QTMAN: variants seen among roughly 807,000 people sequenced by gnomAD.
QTMAN encodes tRNA-queuosine alpha-mannosyltransferase.
the QTMAN span, among the ~76,000 whole-genome samples, chr2:144,203,768 G>T: frequency 6.6e-6 from 1 of 151,998 alleles, no homozygotes; most frequent in Non-Finnish European, 1.5e-5. Flanking sequence ...TTTTAATCAA[G>T]ACATATTTAG....
chr2:144,045,594 G>A, the QTMAN span, among the ~76,000 whole-genome samples: 1 of 152,166 alleles, frequency 6.6e-6, no homozygotes, highest in Non-Finnish European at 1.5e-5. Flanking sequence ...GGAGTTTGGG[G>A]GTTGGGGGAA....
the QTMAN span, among the ~76,000 whole-genome samples, chr2:144,271,888 G>A: frequency 6.6e-6 from 1 of 152,200 alleles, no homozygotes; most frequent in African/African-American, 2.4e-5. Context: ...TTAGTTGAAA[G>A]AGAAGTCTAA....
chr2:144,057,345 G>A, the QTMAN span, among the ~76,000 whole-genome samples: 1 of 152,194 alleles, frequency 6.6e-6, no homozygotes, highest in East Asian at 1.9e-4. Flanking sequence ...TATCCTTGAT[G>A]GTTTAAACTT....
At chr2:144,059,759 G>T in the QTMAN span, among the ~76,000 whole-genome samples, 2 of 152,002 alleles carry the variant, frequency 1.3e-5, no homozygotes, top group African/African-American at 4.8e-5. Flanking sequence ...TTCTTCCCTG[G>T]GCTTATTTCC....
chr2:144,003,292 G>GT, the QTMAN span, among the ~76,000 whole-genome samples: 210 of 151,028 alleles, frequency 1.4e-3, no homozygotes, highest in East Asian at 0.013. Context: ...GTCTAAACTT[G>GT]TTTTTTTTGG....
chr2:144,070,914 G>A, the QTMAN span, among the ~76,000 whole-genome samples: 1 of 152,130 alleles, frequency 6.6e-6, no homozygotes, highest in East Asian at 1.9e-4. Flanking sequence ...ACCGTACCAT[G>A]ACATGACACT....
chr2:144,092,909 G>A, the QTMAN span, among the ~76,000 whole-genome samples: 131 of 151,288 alleles, frequency 8.7e-4, 1 homozygote, highest in Non-Finnish European at 1.2e-3. Context: ...GTGTGTGTGT[G>A]TAGGAAACAC....
At chr2:144,101,849 T>C in the QTMAN span, among the ~76,000 whole-genome samples, 2 of 152,238 alleles carry the variant, frequency 1.3e-5, no homozygotes, top group Admixed American at 1.3e-4. Context: ...TCACTCATTA[T>C]TCTTTCAATC....
the QTMAN span, among the ~76,000 whole-genome samples, chr2:143,956,285 T>C: frequency 6.6e-6 from 1 of 152,256 alleles, no homozygotes; most frequent in Non-Finnish European, 1.5e-5. Flanking sequence ...TTTAAAGTAA[T>C]CCTTTGTGAA....
chr2:143,984,623 C>T, the QTMAN span, among the ~76,000 whole-genome samples: 1 of 152,190 alleles, frequency 6.6e-6, no homozygotes, highest in Non-Finnish European at 1.5e-5. Flanking sequence ...TGTTTTCCCA[C>T]CTGAATGTTG....
the QTMAN span, among the ~76,000 whole-genome samples, chr2:144,016,230 T>C: frequency 6.6e-6 from 1 of 152,196 alleles, no homozygotes; most frequent in African/African-American, 2.4e-5. Flanking sequence ...ACCCCCCAAA[T>C]TGTAAATTAC....
the QTMAN span, among the ~76,000 whole-genome samples, chr2:144,306,292 C>T: frequency 6.6e-6 from 1 of 152,166 alleles, no homozygotes; most frequent in Admixed American, 6.5e-5. Context: ...CTGACAAAGA[C>T]ATTACAACCC....
At chr2:143,971,637 GTT>G in the QTMAN span, among the ~76,000 whole-genome samples, 1 of 151,878 alleles carries the variant, frequency 6.6e-6, no homozygotes, top group East Asian at 1.9e-4. Context: ...TAATTACACT[GTT>G]TTAAATTATC....
the QTMAN span, among the ~76,000 whole-genome samples, chr2:143,980,146 C>T: frequency 3.5e-4 from 54 of 152,164 alleles, no homozygotes; most frequent in African/African-American, 1.1e-3. Flanking sequence ...GTATTAATCC[C>T]GGCATCCATT....
the QTMAN span, among the ~76,000 whole-genome samples, chr2:143,964,939 T>C: frequency 2.4e-4 from 36 of 152,326 alleles, no homozygotes; most frequent in South Asian, 1.2e-3. Context: ...GAAGAACGCT[T>C]GTTTAAGTCT....
the QTMAN span, among the ~76,000 whole-genome samples, chr2:144,118,575 G>C: frequency 6.6e-6 from 1 of 152,172 alleles, no homozygotes; most frequent in African/African-American, 2.4e-5. Context: ...TGTTGAATTT[G>C]CATTAGCCAT....
chr2:144,258,521 G>C, the QTMAN span, among the ~76,000 whole-genome samples: 1 of 152,134 alleles, frequency 6.6e-6, no homozygotes, highest in Non-Finnish European at 1.5e-5. Flanking sequence ...GTCAGGCAAC[G>C]TCTTTCAGAG....
At chr2:144,067,521 G>T in the QTMAN span, among the ~76,000 whole-genome samples, 1 of 152,118 alleles carries the variant, frequency 6.6e-6, no homozygotes, top group Non-Finnish European at 1.5e-5. Flanking sequence ...GCATATAAAA[G>T]AAATCCAATT....
At chr2:144,196,210 T>C in the QTMAN span, among the ~76,000 whole-genome samples, 3 of 126,770 alleles carry the variant, frequency 2.4e-5, no homozygotes, top group South Asian at 8.2e-4. Context: ...CATGCACACA[T>C]AGCCACACAC....
Sources: gnomAD v4.1 joint callset for allele counts (sites outside exome capture counted in the v4.1 genomes callset) on GRCh38, gnomAD v4.1.1 for gene constraint, MANE v1.5 for transcripts, NCBI Gene and HGNC (gene_info 2026-07-23, HGNC 2026-07-21) for gene names.